The following MAN1C1 variants were observed in gnomAD, a reference collection of about 807,000 sequenced individuals.
MAN1C1 encodes mannosyl-oligosaccharide 1,2-alpha-mannosidase IC.
A neutral mutation model predicts 71.5 loss-of-function variants in MAN1C1; 49 were observed. The observed-to-expected ratio is 0.69, with a 90% CI of 0.54 to 0.87. The LOEUF (loss-of-function observed/expected upper bound fraction) is 0.87. Among genes scored for constraint, MAN1C1 ranks in the 40% least tolerant of loss-of-function variants. The pLI, the probability that MAN1C1 is intolerant of heterozygous loss-of-function variation, is 0.00. For missense variants in MAN1C1, 743 were observed against 835.0 expected (o/e 0.89, Z 1.36); for synonymous variants, 352 against 343.7 (o/e 1.02, Z -0.27).
chr1:25,635,480 C>T (rs1457301498), intron 1 of MAN1C1, among the ~76,000 whole-genome samples: 3 of 146,620 alleles, frequency 2.0e-5, no homozygotes, highest in Non-Finnish European at 4.5e-5. Context: ...GACAGAGTCT[C>T]ACTCTGTCTT....
At chr1:25,757,879 A>T (rs1041373648) in intron 5 of MAN1C1, among the ~76,000 whole-genome samples, 5 of 152,246 alleles carry the variant, frequency 3.3e-5, no homozygotes, top group Admixed American at 1.3e-4. Context: ...GATCTCAGGC[A>T]GGGGACATCA....
chr1:25,759,044 C>T, intron 6 of MAN1C1: 1 of 264,404 alleles, frequency 3.8e-6, no homozygotes, highest in South Asian at 6.2e-5. Flanking sequence ...AATCTAGGCA[C>T]CACCTTGCAT....
chr1:25,769,863 G>A lies in MAN1C1; in HGVS notation c.1142-1794G>A, dbSNP rs544271016. On this transcript the variant is annotated intron_variant, in intron 7 of 11. Transcript: ENST00000374332. This position sits in a 1 kb window ranked among gnomAD's most constrained non-coding sequence, Gnocchi z 4.8. The stretch of plus-strand genomic sequence containing the variant: ...CACCCAAGGGGAGTGCTGCCGCCGA[G>A]GGCTTCAGATGGTGCCTGGCCTTGT... Among the ~76,000 whole-genome samples the A allele has an allele frequency of 9.2e-5, 14 of 152,330 alleles. No individual in the cohort carries two copies. Among genetic ancestry groups the A allele is most frequent in the Admixed American group, 4.6e-4 (7 of 15,302 alleles).
At chr1:25,754,881 A>G (rs377527289) in intron 5 of MAN1C1, among the ~76,000 whole-genome samples, 4 of 152,208 alleles carry the variant, frequency 2.6e-5, no homozygotes, top group African/African-American at 4.8e-5. Context: ...CCGTGTGCGC[A>G]TGTACATTCA....
At chr1:25,650,161 A>C (rs980038710) in intron 1 of MAN1C1, among the ~76,000 whole-genome samples, 1 of 152,170 alleles carries the variant, frequency 6.6e-6, no homozygotes, top group Non-Finnish European at 1.5e-5. Context: ...GTGGGTCTCC[A>C]CTTACTGTGG....
rs145017395 is a variant in MAN1C1 at position 25,617,886 on chromosome 1, C to T, written c.89C>T (p.Ser30Leu). The T allele has an allele frequency of 5.6e-6, 9 of 1,608,804 alleles. No individual in the cohort carries two copies. The highest frequency in any genetic ancestry group is 1.3e-5 in the African/African-American group (1 of 74,376). ...PQKFLFLLFL[S>L]GLVTLCFGAL... ...AAGTTCCTCTTCCTCCTCTTCCTCT[C>T]GGGCCTGGTCACCCTGTGCTTCGGG... Residue 30 changes from serine (S) to leucine (L), a missense_variant, in exon 1 of 12, where the codon TCG becomes TTG. Transcript: ENST00000374332. The surrounding 1 kb of genome is among the most constrained non-coding windows in gnomAD (Gnocchi z 5.1).
chr1:25,718,310 T>G (rs1444588599), intron 2 of MAN1C1, among the ~76,000 whole-genome samples: 1 of 152,198 alleles, frequency 6.6e-6, no homozygotes, highest in East Asian at 1.9e-4. Flanking sequence ...GTCAGCTTCA[T>G]CCTCTTGAAG....
At chr1:25,668,700 C>T (rs866232289) in intron 1 of MAN1C1, among the ~76,000 whole-genome samples, 2 of 152,066 alleles carry the variant, frequency 1.3e-5, no homozygotes, top group Non-Finnish European at 1.5e-5. Context: ...GGACTACAGA[C>T]GCCCGCCATG....
chr1:25,683,037 C>CAA (rs1181300274), intron 1 of MAN1C1, among the ~76,000 whole-genome samples: 17 of 98,182 alleles, frequency 1.7e-4, no homozygotes, highest in African/African-American at 2.3e-4. Flanking sequence ...GACTCCATCT[C>CAA]AAAAAAAAAA....
In MAN1C1 at chr1:25,766,350, T is replaced by G. The variant is rs577916333; in HGVS notation, c.1141+2383T>G. On this transcript the variant is annotated intron_variant, in intron 7 of 11. Transcript: ENST00000374332. ...AGGTTTCCTGTGGTTTTTTGTTGGT[T>G]TTTTTTTTGGTGCATACGTATTCTT... Among the ~76,000 whole-genome samples, 940 of 151,182 alleles carry G rather than the reference T, an allele frequency of 6.2e-3. 12 individuals carry two copies. The highest frequency in any genetic ancestry group is 0.021 in the African/African-American group (865 of 41,280).
At chr1:25,743,970 C>T (rs1427813911) in intron 2 of MAN1C1, among the ~76,000 whole-genome samples, 1 of 152,214 alleles carries the variant, frequency 6.6e-6, no homozygotes, top group Non-Finnish European at 1.5e-5. Flanking sequence ...ACACATTCCA[C>T]TTGGCCTGGG....
chr1:25,633,770 G>A (rs1290552361), intron 1 of MAN1C1, among the ~76,000 whole-genome samples: 3 of 152,048 alleles, frequency 2.0e-5, no homozygotes, highest in Non-Finnish European at 4.4e-5. Context: ...GGCCATTTAT[G>A]TTCAACATTA....
At chr1:25,744,682 C>CT (rs1209888336) in intron 2 of MAN1C1, among the ~76,000 whole-genome samples, 4 of 152,140 alleles carry the variant, frequency 2.6e-5, no homozygotes, top group Non-Finnish European at 4.4e-5. Flanking sequence ...TTTTTCAGAC[C>CT]TTGCCCAGCC....
chr1:25,652,147 G>A (rs748006304), intron 1 of MAN1C1, among the ~76,000 whole-genome samples: 6 of 152,220 alleles, frequency 3.9e-5, no homozygotes, highest in Non-Finnish European at 8.8e-5. Context: ...GGACATGTGT[G>A]GACACTCTTG....
intron 1 of MAN1C1, among the ~76,000 whole-genome samples, chr1:25,623,670 C>T (rs2045250753): frequency 6.6e-6 from 1 of 152,172 alleles, no homozygotes; most frequent in Non-Finnish European, 1.5e-5. Context: ...ATTGTAAAGC[C>T]CCTGTGTAGG....
intron 2 of MAN1C1, among the ~76,000 whole-genome samples, chr1:25,736,952 A>G (rs984035812): frequency 2.0e-5 from 3 of 152,188 alleles, no homozygotes; most frequent in African/African-American, 7.2e-5. Context: ...TGTCTTCCCT[A>G]TCCAGGCCTC....
chr1:25,679,950 A>AAAAAATAT (rs1285307256), intron 1 of MAN1C1, among the ~76,000 whole-genome samples: 78 of 117,226 alleles, frequency 6.7e-4, no homozygotes, highest in Admixed American at 1.3e-3. Context: ...AAAAAAAAAA[A>AAAAAATAT]ATATATATAT....
intron 1 of MAN1C1, among the ~76,000 whole-genome samples, chr1:25,630,026 C>T (rs2045355856): frequency 6.6e-6 from 1 of 152,014 alleles, no homozygotes; most frequent in Non-Finnish European, 1.5e-5. Context: ...GGTTTCAGGT[C>T]TTAGATTTAA....
At chr1:25,723,579 T>TA (rs754090552) in intron 2 of MAN1C1, among the ~76,000 whole-genome samples, 4 of 152,198 alleles carry the variant, frequency 2.6e-5, no homozygotes, top group Non-Finnish European at 5.9e-5. Context: ...ATGCATTATT[T>TA]AAAAAATTAT....
Sources: allele counts gnomAD v4.1 joint callset (sites outside exome capture counted in the v4.1 genomes callset), GRCh38; gene constraint gnomAD v4.1.1; non-coding constraint Gnocchi (gnomAD v3.1); transcripts MANE v1.5; gene names NCBI Gene and HGNC (gene_info 2026-07-23, HGNC 2026-07-21).